FGF2: variants seen among roughly 807,000 people sequenced by gnomAD.
FGF2 encodes basic fibroblast growth factor bFGF.
A neutral mutation model predicts 15.9 loss-of-function variants in FGF2; 13 were observed. The ratio of observed to expected loss-of-function variants is 0.82; its 90% CI spans 0.53 to 1.30. FGF2 has a LOEUF of 1.30. Among genes scored for constraint, FGF2 ranks in the 50% most tolerant of loss-of-function variants. The probability of loss-of-function intolerance (pLI) is 0.00; values close to 1 mark genes in which losing one functional copy is unlikely to be tolerated. For synonymous variants in FGF2, 90 were observed against 78.4 expected (o/e 1.15, Z -0.78); for missense variants, 163 against 196.9 (o/e 0.83, Z 1.03).
At chr4:122,836,202 A>G (rs116743903) in intron 1 of FGF2, among the ~76,000 whole-genome samples, 3 of 152,320 alleles carry the variant, frequency 2.0e-5, no homozygotes, top group Non-Finnish European at 4.4e-5. Flanking sequence ...TGCTGCATCT[A>G]TCCTCACACA....
At position 122,892,629 on chromosome 4, in the gene FGF2, T is replaced by C. The variant is rs1311986455; in HGVS notation, c.*233T>C. The C allele has an allele frequency of 1.4e-6, 2 of 1,426,618 alleles. No homozygotes were observed. The highest frequency in any genetic ancestry group is 2.5e-5 in the East Asian group (1 of 39,894). 88.4% of individuals were successfully genotyped at this position (1,426,618 alleles called of 1,614,324 possible). ...GCATCTGCTGTTACCCAGTGAAGCT[T>C]ACCTAGAGCAATGATCTTTTTCACG... On this transcript the variant is annotated 3_prime_UTR_variant, in exon 3 of 3. Transcript: ENST00000644866.
chr4:122,839,136 A>G (rs1725924383), intron 1 of FGF2, among the ~76,000 whole-genome samples: 1 of 152,188 alleles, frequency 6.6e-6, no homozygotes, highest in Admixed American at 6.6e-5. Flanking sequence ...CTAAGGATGC[A>G]TTTCTCAGAA....
intron 1 of FGF2, among the ~76,000 whole-genome samples, chr4:122,828,156 G>A (rs957639892): frequency 2.0e-5 from 3 of 152,176 alleles, no homozygotes; most frequent in African/African-American, 7.2e-5. Flanking sequence ...CAATGTTTGT[G>A]GTTCTAGAAA....
intron 2 of FGF2, among the ~76,000 whole-genome samples, chr4:122,887,374 A>C (rs1398769263): frequency 2.6e-5 from 4 of 152,144 alleles, no homozygotes; most frequent in Non-Finnish European, 5.9e-5. Flanking sequence ...TGATATCTCC[A>C]ACCTTAATCC....
intron 2 of FGF2, among the ~76,000 whole-genome samples, chr4:122,878,990 A>T (rs1371282541): frequency 6.6e-6 from 1 of 152,202 alleles, no homozygotes; most frequent in Non-Finnish European, 1.5e-5. Flanking sequence ...AGTAGTTGAA[A>T]TTATAAATCT....
Position 122,827,066 on chromosome 4 carries a change from C to A in FGF2, c.-109C>A. ...CGGGCGGGAGGCTGGGGGGCCGGGG[C>A]CGGGGCCGTGCCCCGGAGCGGGTCG... On this transcript the variant is annotated 5_prime_UTR_variant, in exon 1 of 3. Transcript: ENST00000644866. This position sits in a 1 kb window ranked among gnomAD's most constrained non-coding sequence, Gnocchi z 4.2. The A allele has an allele frequency of 9.0e-7, 1 of 1,112,970 alleles. No homozygotes were observed. Among genetic ancestry groups the A allele is most frequent in the Non-Finnish European group, 1.1e-6 (1 of 913,248 alleles). 68.9% of individuals were successfully genotyped at this position (1,112,970 alleles called of 1,614,324 possible).
intron 1 of FGF2, among the ~76,000 whole-genome samples, chr4:122,839,687 T>A (rs1240266096): frequency 1.3e-5 from 2 of 152,186 alleles, no homozygotes; most frequent in African/African-American, 2.4e-5. Flanking sequence ...TCTCAGGCCC[T>A]GTCCATTTCA....
At chr4:122,883,529 A>G (rs1727000189) in intron 2 of FGF2, among the ~76,000 whole-genome samples, 1 of 152,216 alleles carries the variant, frequency 6.6e-6, no homozygotes. Flanking sequence ...TGCACAACAG[A>G]CTTCTTACTC....
At chr4:122,835,405 T>G (rs1015270966) in intron 1 of FGF2, among the ~76,000 whole-genome samples, 1 of 152,104 alleles carries the variant, frequency 6.6e-6, no homozygotes, top group Non-Finnish European at 1.5e-5. Context: ...TTCTGTGTAC[T>G]TGTATTCCTT....
chr4:122,857,314 G>A (rs1443906664), intron 1 of FGF2, among the ~76,000 whole-genome samples: 1 of 152,176 alleles, frequency 6.6e-6, no homozygotes, highest in Non-Finnish European at 1.5e-5. Context: ...GTCAACTTGT[G>A]ACTATTTACT....
chr4:122,835,570 T>A (rs915967792), intron 1 of FGF2, among the ~76,000 whole-genome samples: 2 of 152,144 alleles, frequency 1.3e-5, no homozygotes, highest in Non-Finnish European at 2.9e-5. Flanking sequence ...CTCCTGAATT[T>A]CTGCTTGTAG....
At chr4:122,839,310 C>A (rs1267193318) in intron 1 of FGF2, among the ~76,000 whole-genome samples, 2 of 152,100 alleles carry the variant, frequency 1.3e-5, no homozygotes, top group Admixed American at 6.5e-5. Flanking sequence ...TATAGTTAGG[C>A]TCTTCCAGAA....
At chr4:122,831,736 C>A (rs1250917304) in intron 1 of FGF2, among the ~76,000 whole-genome samples, 4 of 152,214 alleles carry the variant, frequency 2.6e-5, no homozygotes, top group African/African-American at 7.2e-5. Flanking sequence ...AATATCCCCT[C>A]ATGACATGCC....
Position 122,870,572 on chromosome 4 carries a change from G to T in FGF2, c.179-5749G>T, listed in dbSNP as rs145378011. Reference sequence around the variant, plus strand: ...GCCTTGGGACGGTGTATGTGTCCAGGAATTTATCAGTTTCTTCCAGATTTT... The same window carrying T: ...GCCTTGGGACGGTGTATGTGTCCAGTAATTTATCAGTTTCTTCCAGATTTT... On this transcript the variant is annotated intron_variant, in intron 1 of 2. Coordinates refer to ENST00000644866, the MANE Select transcript of FGF2 (RefSeq NM_001361665.2). Among the ~76,000 whole-genome samples the T allele has an allele frequency of 2.6e-3, 398 of 152,224 alleles. 4 individuals are homozygous for T. Among genetic ancestry groups the T allele is most frequent in the African/African-American group, 9.2e-3 (384 of 41,524 alleles).
chr4:122,861,915 C>A (rs1382127897), intron 1 of FGF2, among the ~76,000 whole-genome samples: 1 of 152,118 alleles, frequency 6.6e-6, no homozygotes, highest in Non-Finnish European at 1.5e-5. Flanking sequence ...CTTTCAGTCT[C>A]CAATCATTTG....
In FGF2 at chr4:122,893,193, T is replaced by C; in HGVS notation, c.*797T>C. ...GACCTGAATTCTGATTTTATACCAG[T>C]CTCTTCAAAAACTTCTCGAACCGCT... On this transcript the variant is annotated 3_prime_UTR_variant, in exon 3 of 3. Coordinates refer to ENST00000644866, the MANE Select transcript of FGF2 (RefSeq NM_001361665.2). 1 of 1,611,638 alleles carries C rather than the reference T, an allele frequency of 6.2e-7. No individual in the cohort carries two copies.
At chr4:122,843,933 T>A (rs907068050) in intron 1 of FGF2, among the ~76,000 whole-genome samples, 1 of 152,220 alleles carries the variant, frequency 6.6e-6, no homozygotes, top group Non-Finnish European at 1.5e-5. Context: ...TGCTGACTGA[T>A]GAAAGTGGTG....
chr4:122,897,610 T>C lies in FGF2; in HGVS notation c.*5214T>C, dbSNP rs1029092528. ...AACATTTTTAAGCCAATTAAAAATA[T>C]AAAAGATACACACCAATATCTTCTT... On this transcript the variant is annotated 3_prime_UTR_variant, in exon 3 of 3. Transcript: ENST00000644866. 6.3e-6 allele frequency: 10 copies of C among 1,575,084 alleles called. No homozygotes were observed. The Admixed American group carries it at 8.4e-5, about 13-fold the overall frequency.
chr4:122,892,599 A>G lies in FGF2; in HGVS notation c.*203A>G, dbSNP rs571209115. 1.5e-4 allele frequency: 212 copies of G among 1,438,488 alleles called. 4 individuals are homozygous for G. The South Asian group carries it at 2.7e-3, about 19-fold the overall frequency. The allele number at this position is 1,438,488 out of a possible 1,614,324, so 89.1% of individuals were successfully genotyped here. On this transcript the variant is annotated 3_prime_UTR_variant, in exon 3 of 3. Coordinates refer to ENST00000644866, the MANE Select transcript of FGF2 (RefSeq NM_001361665.2). The stretch of plus-strand genomic sequence containing the variant: ...TTGTAAAATGTATATTCTCCCTTTT[A>G]TATTGCATCTGCTGTTACCCAGTGA...
Sources: gnomAD v4.1 joint callset for allele counts (sites outside exome capture counted in the v4.1 genomes callset) on GRCh38, gnomAD v4.1.1 for gene constraint, Gnocchi (gnomAD v3.1) non-coding constraint, MANE v1.5 for transcripts, NCBI Gene and HGNC (gene_info 2026-07-23, HGNC 2026-07-21) for gene names.